Variants in MECOM observed in about 807,000 individuals in gnomAD.
MECOM encodes MDS1 and EVI1 complex locus.
MECOM carries 13 observed loss-of-function variants against 116.3 expected under a neutral mutation model. That is an observed-to-expected ratio of 0.11 (90% confidence interval 0.07 to 0.18). The LOEUF (loss-of-function observed/expected upper bound fraction) is 0.18, where lower values mean the gene tolerates loss of function less well. MECOM is among the 10% of genes least tolerant of loss of function. The probability of loss-of-function intolerance (pLI) is 1.00; values close to 1 mark genes in which losing one functional copy is unlikely to be tolerated. For synonymous variants in MECOM, 528 were observed against 535.2 expected (o/e 0.99, Z 0.19); for missense variants, 1,299 against 1,509.0 (o/e 0.86, Z 2.31).
intron 2 of MECOM, among the ~76,000 whole-genome samples, chr3:169,215,257 T>TAA (rs33958386): frequency 6.8e-6 from 1 of 147,738 alleles, no homozygotes; most frequent in Non-Finnish European, 1.5e-5. Context: ...TTTTTTTTTT[T>TAA]AAAAAAGCAG....
At chr3:169,658,535 C>A (rs544778619) in intron 1 of MECOM, among the ~76,000 whole-genome samples, 56 of 152,340 alleles carry the variant, frequency 3.7e-4, no homozygotes, top group Non-Finnish European at 7.1e-4. Context: ...GCCAGGCACG[C>A]AGCCCCTCTG....
intron 1 of MECOM, among the ~76,000 whole-genome samples, chr3:169,652,482 G>A (rs1775040629): frequency 6.6e-6 from 1 of 152,088 alleles, no homozygotes; most frequent in South Asian, 2.1e-4. Context: ...CTCGGTAAAA[G>A]AAAACTCCTA....
rs1576940625 is a variant in MECOM, at chr3:169,572,655, G to A, written c.37+90681C>T. On this transcript the variant is annotated intron_variant, in intron 1 of 16. Transcript: ENST00000651503. ...GCACATGTACACCAGGGAATACTATGCAGCCATTAAAAAGGATGCAGGGAC... is the reference window on the plus strand; with the variant it reads ...GCACATGTACACCAGGGAATACTATACAGCCATTAAAAAGGATGCAGGGAC... 2.0e-5 allele frequency among the ~76,000 whole-genome samples: 3 copies of A among 152,270 alleles called. No homozygotes were observed. The South Asian group carries it at 6.2e-4, about 32-fold the overall frequency.
chr3:169,239,299 C>A (rs1754484909), intron 2 of MECOM, among the ~76,000 whole-genome samples: 1 of 151,488 alleles, frequency 6.6e-6, no homozygotes, highest in Non-Finnish European at 1.5e-5. Context: ...AATGTAATAC[C>A]AATAAGGAGA....
At position 169,611,028 on chromosome 3, in the gene MECOM, C is replaced by T. The variant is rs2109819738; in HGVS notation, c.37+52308G>A. Among the ~76,000 whole-genome samples, 1 of 152,314 alleles carries T rather than the reference C, an allele frequency of 6.6e-6. No homozygotes were observed. Among genetic ancestry groups the T allele is most frequent in the African/African-American group, 2.4e-5 (1 of 41,572 alleles). ...TAAACTTGCCTTATGATAAAAACCA[C>T]CTTCAGCATTTGTTAAAAATTACCC... On this transcript the variant is annotated intron_variant, in intron 1 of 16. Coordinates refer to ENST00000651503, the MANE Select transcript of MECOM (RefSeq NM_004991.4). The surrounding 1 kb of genome is among the most constrained non-coding windows in gnomAD (Gnocchi z 4.1).
chr3:169,386,694 A>C (rs1374505143), intron 1 of MECOM, among the ~76,000 whole-genome samples: 1 of 152,144 alleles, frequency 6.6e-6, no homozygotes, highest in Non-Finnish European at 1.5e-5. Context: ...CATGAAAATG[A>C]GCCTTCCTTA....
At chr3:169,357,475 G>C (rs1727460538) in intron 2 of MECOM, among the ~76,000 whole-genome samples, 1 of 151,746 alleles carries the variant, frequency 6.6e-6, no homozygotes, top group South Asian at 2.1e-4. Flanking sequence ...AAGACATAAG[G>C]AAGAGAGAAA....
chr3:169,629,672 C>A (rs1406998725), intron 1 of MECOM, among the ~76,000 whole-genome samples: 1 of 152,178 alleles, frequency 6.6e-6, no homozygotes, highest in Non-Finnish European at 1.5e-5. Context: ...AGTCCACACC[C>A]CACCCCAAGA....
At chr3:169,381,006 TATACCTTTAATCA>T (rs1282817950) in intron 2 of MECOM, among the ~76,000 whole-genome samples, 168 bp downstream of exon 2, 5 of 152,342 alleles carry the variant, frequency 3.3e-5, no homozygotes, top group African/African-American at 1.2e-4. Flanking sequence ...CCTATCACGC[TATACCTTTAATCA>T]ATACATTGTT....
In MECOM at chr3:169,651,149, C is replaced by A. The variant is rs1406127431; in HGVS notation, c.37+12187G>T. On this transcript the variant is annotated intron_variant, in intron 1 of 16. Coordinates refer to ENST00000651503, the MANE Select transcript of MECOM (RefSeq NM_004991.4). ...TGTTATGTTGGCCATGGGTTTGTCA[C>A]AATAAAATAATGCTTTTAGTACATT... Among the ~76,000 whole-genome samples the A allele has an allele frequency of 6.6e-5, 10 of 152,190 alleles. No homozygotes were observed. In the East Asian group the frequency reaches 1.7e-3, roughly 26 times the overall value.
At chr3:169,189,186 A>G (rs1747185907) in intron 2 of MECOM, among the ~76,000 whole-genome samples, 1 of 152,104 alleles carries the variant, frequency 6.6e-6, no homozygotes, top group Non-Finnish European at 1.5e-5. Context: ...TTAACAGTTA[A>G]TCACATTTTC....
At chr3:169,432,920 TCTAA>T (rs1741881549) in intron 1 of MECOM, among the ~76,000 whole-genome samples, 1 of 152,206 alleles carries the variant, frequency 6.6e-6, no homozygotes, top group Non-Finnish European at 1.5e-5. Flanking sequence ...CCGTGTAAAT[TCTAA>T]CTGTTTACTA....
chr3:169,574,109 G>A (rs1262675373), intron 1 of MECOM, among the ~76,000 whole-genome samples: 1 of 152,054 alleles, frequency 6.6e-6, no homozygotes, highest in African/African-American at 2.4e-5. Flanking sequence ...CTCAGAGACA[G>A]CAAATGTTGT....
chr3:169,155,551 T>C (rs1158147731), intron 2 of MECOM, among the ~76,000 whole-genome samples: 2 of 152,090 alleles, frequency 1.3e-5, no homozygotes, highest in Non-Finnish European at 2.9e-5. Flanking sequence ...AACAAAGTTA[T>C]AACAATGCTT....
intron 2 of MECOM, among the ~76,000 whole-genome samples, chr3:169,247,599 A>G (rs1195051830): frequency 1.3e-5 from 2 of 152,212 alleles, no homozygotes; most frequent in African/African-American, 4.8e-5. Flanking sequence ...CCACTGTACC[A>G]GGCCTCTAAT....
intron 1 of MECOM, among the ~76,000 whole-genome samples, chr3:169,456,304 T>TG: frequency 6.6e-6 from 1 of 152,108 alleles, no homozygotes; most frequent in East Asian, 1.9e-4. Context: ...AATATAGAGA[T>TG]GGGGGGATTT....
At chr3:169,392,385 C>T (rs764476440) in intron 1 of MECOM, among the ~76,000 whole-genome samples, 2 of 152,164 alleles carry the variant, frequency 1.3e-5, no homozygotes, top group Non-Finnish European at 2.9e-5. Flanking sequence ...TAGAAAAGTG[C>T]ACAGATTTAA....
intron 1 of MECOM, among the ~76,000 whole-genome samples, chr3:169,618,589 G>A (rs955572459): frequency 5.3e-5 from 8 of 151,050 alleles, no homozygotes; most frequent in Admixed American, 6.6e-5. Context: ...CCCAGGAGAC[G>A]GAGGTTGCAG....
chr3:169,338,190 T>C (rs186971469), intron 2 of MECOM, among the ~76,000 whole-genome samples: 8 of 152,298 alleles, frequency 5.3e-5, no homozygotes, highest in Admixed American at 2.0e-4. Context: ...GCCAGGAACC[T>C]GGCCCTCCTC....
Sources: allele counts gnomAD v4.1 joint callset (sites outside exome capture counted in the v4.1 genomes callset), GRCh38; gene constraint gnomAD v4.1.1; non-coding constraint Gnocchi (gnomAD v3.1); transcripts MANE v1.5; gene names NCBI Gene and HGNC (gene_info 2026-07-23, HGNC 2026-07-21).